Variants in DCAF8L2 observed in about 807,000 individuals in gnomAD.
DCAF8L2 encodes DDB1- and CUL4-associated factor 8-like protein 2.
For missense variants in DCAF8L2, 430 were observed against 490.7 expected, an observed-to-expected ratio of 0.88 and a Z score of 1.17; for synonymous variants, 200 against 190.9, an observed-to-expected ratio of 1.05 and a Z score of -0.39.
intron 1 of DCAF8L2, among the ~76,000 whole-genome samples, chrX:27,601,217 T>G (rs180916722): frequency 1.8e-5 from 2 of 112,440 alleles, no homozygotes; most frequent in Admixed American, 9.4e-5. Context: ...AAAAATGGAT[T>G]GAACACAGTG....
intron 2 of DCAF8L2, among the ~76,000 whole-genome samples, chrX:27,644,835 A>G (rs1375011214): frequency 9.0e-6 from 1 of 111,247 alleles, no homozygotes; most frequent in African/African-American, 3.3e-5. Context: ...GCTCACTGCA[A>G]CCTCCACCTC....
chrX:27,502,297 G>C, the DCAF8L2 span, among the ~76,000 whole-genome samples: 1 of 78,692 alleles, frequency 1.3e-5, no homozygotes, highest in Non-Finnish European at 2.4e-5. Context: ...CTCCAGCCTG[G>C]GTGACAGAGT....
the DCAF8L2 span, among the ~76,000 whole-genome samples, chrX:27,527,194 CTTTG>C: frequency 8.9e-6 from 1 of 112,187 alleles, no homozygotes; most frequent in Non-Finnish European, 1.9e-5. Flanking sequence ...TTCCAGGCTG[CTTTG>C]TTTACCTATT....
chrX:27,654,299 C>A (rs1192434634), intron 2 of DCAF8L2, among the ~76,000 whole-genome samples: 1 of 111,599 alleles, frequency 9.0e-6, no homozygotes, highest in Admixed American at 9.6e-5. Flanking sequence ...GATTAAAAAA[C>A]AAAAAACAGC....
chrX:27,640,813 A>C (rs1476522540), intron 2 of DCAF8L2, among the ~76,000 whole-genome samples: 1 of 111,794 alleles, frequency 8.9e-6, no homozygotes, highest in Non-Finnish European at 1.9e-5. Flanking sequence ...GAAAAAATAA[A>C]AAGTGTAGGA....
chrX:27,547,891 TTC>T, the DCAF8L2 span, among the ~76,000 whole-genome samples: 13 of 57,190 alleles, frequency 2.3e-4, no homozygotes, highest in Non-Finnish European at 3.3e-4. Context: ...CTCTCTCTCT[TTC>T]TCTCTCTCTC....
intron 2 of DCAF8L2, among the ~76,000 whole-genome samples, chrX:27,670,484 C>A (rs1929911646): frequency 9.0e-6 from 1 of 111,501 alleles, no homozygotes; most frequent in Non-Finnish European, 1.9e-5. Flanking sequence ...GTTGTTGCTG[C>A]AGGCTCTTTT....
the DCAF8L2 span, among the ~76,000 whole-genome samples, chrX:27,481,403 T>A: frequency 8.1e-5 from 9 of 111,004 alleles, no homozygotes; most frequent in Non-Finnish European, 1.3e-4. Flanking sequence ...TTAATTAATT[T>A]AATTAAAGAA....
At chrX:27,579,594 T>G in the DCAF8L2 span, among the ~76,000 whole-genome samples, 1 of 95,531 alleles carries the variant, frequency 1.0e-5, no homozygotes, top group Admixed American at 1.2e-4. Flanking sequence ...ATTTGCCTAT[T>G]TGGATGTAGT....
chrX:27,529,108 C>G, the DCAF8L2 span, among the ~76,000 whole-genome samples: 3 of 111,494 alleles, frequency 2.7e-5, no homozygotes, highest in African/African-American at 6.5e-5. Flanking sequence ...CATCTCAGGT[C>G]CCTGTTTAGT....
chrX:27,579,006 C>T, the DCAF8L2 span, among the ~76,000 whole-genome samples: 1 of 111,520 alleles, frequency 9.0e-6, no homozygotes, highest in African/African-American at 3.3e-5. Flanking sequence ...GGCGATTCCT[C>T]AATGACCTAG....
intron 3 of DCAF8L2, among the ~76,000 whole-genome samples, chrX:27,681,045 G>A (rs1202222461): frequency 2.7e-5 from 3 of 111,658 alleles, no homozygotes; most frequent in Non-Finnish European, 5.6e-5. Context: ...GAACAAAGGT[G>A]GAGTACTGTT....
chrX:27,749,064 C>G lies in DCAF8L2; in HGVS notation c.*273C>G, dbSNP rs766367872. On this transcript the variant is annotated 3_prime_UTR_variant, in exon 5 of 5. Transcript: ENST00000451261. ...TGAGTGCATACACAACTTATTTATGCCTCTTTTCCTTTGTTCCCTTATAGT... is the reference window on the plus strand; with the variant it reads ...TGAGTGCATACACAACTTATTTATGGCTCTTTTCCTTTGTTCCCTTATAGT... 1.5e-4 allele frequency among the ~76,000 whole-genome samples: 17 copies of G among 110,907 alleles called. No individual in the cohort carries two copies. In the South Asian group the frequency reaches 6.5e-3, roughly 43 times the overall value.
chrX:27,519,325 A>G, the DCAF8L2 span: 2 of 1,107,990 alleles, frequency 1.8e-6, no homozygotes, highest in Admixed American at 2.2e-5. Context: ...GCGGCTTGAA[A>G]AGGAGCGTCG....
chrX:27,602,715 A>C (rs890779024), intron 1 of DCAF8L2, among the ~76,000 whole-genome samples: 2 of 111,556 alleles, frequency 1.8e-5, no homozygotes, highest in Non-Finnish European at 3.8e-5. Context: ...ATGTTAGAAA[A>C]ATTGCTAGTT....
chrX:27,528,897 G>T, the DCAF8L2 span, among the ~76,000 whole-genome samples: 1 of 111,614 alleles, frequency 9.0e-6, no homozygotes, highest in Non-Finnish European at 1.9e-5. Context: ...ATAACAACTA[G>T]TGCAATTGTA....
At chrX:27,615,513 T>C (rs1602659330) in intron 1 of DCAF8L2, among the ~76,000 whole-genome samples, 1 of 82,121 alleles carries the variant, frequency 1.2e-5, no homozygotes, top group African/African-American at 7.0e-5. Flanking sequence ...AAAATAATAG[T>C]AGATTCTATC....
the DCAF8L2 span, among the ~76,000 whole-genome samples, chrX:27,556,658 T>C: frequency 8.9e-6 from 1 of 111,937 alleles, no homozygotes; most frequent in Non-Finnish European, 1.9e-5. Flanking sequence ...CATAAGAACA[T>C]GATAAAGAGT....
At chrX:27,669,462 T>G (rs1418028706) in intron 2 of DCAF8L2, among the ~76,000 whole-genome samples, 1 of 109,561 alleles carries the variant, frequency 9.1e-6, no homozygotes, top group African/African-American at 3.3e-5. Context: ...ATTCATTTAT[T>G]TATTTATTTA....
Sources: gnomAD v4.1 joint callset for allele counts (sites outside exome capture counted in the v4.1 genomes callset) on GRCh38, gnomAD v4.1.1 for gene constraint, MANE v1.5 for transcripts, NCBI Gene and HGNC (gene_info 2026-07-23, HGNC 2026-07-21) for gene names.